Variants in SLC19A1 observed in about 807,000 individuals in gnomAD.
SLC19A1 encodes reduced folate transporter.
Under a neutral mutation model 35.3 loss-of-function variants are expected in SLC19A1, and 37 were observed. The ratio of observed to expected loss-of-function variants is 1.05; its 90% CI spans 0.81 to 1.38. The LOEUF (loss-of-function observed/expected upper bound fraction) is 1.38. Ranked by LOEUF, SLC19A1 falls within the 40% of genes most tolerant of loss-of-function variation. The pLI is 0.00. For synonymous variants in SLC19A1, 460 were observed against 398.5 expected (o/e 1.15, Z -1.84); for missense variants, 831 against 826.9 (o/e 1.00, Z -0.06).
In SLC19A1 at chr21:45,514,175, C is replaced by T. The variant is rs2146175128; in HGVS notation, c.*1483G>A. ...GGCGGTGTGGGCCTCCCCAGTGACGCTCTAGCCCATGGCACAGGCCCAGCC... is the reference window on the plus strand; with the variant it reads ...GGCGGTGTGGGCCTCCCCAGTGACGTTCTAGCCCATGGCACAGGCCCAGCC... On this transcript the variant is annotated 3_prime_UTR_variant, in exon 6 of 6. Coordinates refer to ENST00000311124, the MANE Select transcript of SLC19A1 (RefSeq NM_194255.4). The T allele has an allele frequency of 6.6e-6, 1 of 152,376 alleles. No individual in the cohort carries two copies. The highest frequency in any genetic ancestry group is 2.1e-4 in the South Asian group (1 of 4,838). The allele number at this position is 152,376 out of a possible 1,614,324, so 9.4% of individuals were successfully genotyped here. A position where few individuals can be genotyped will look rare whatever the true frequency, so the allele number is the denominator to read the frequency against.
rs1555889483 is a variant in SLC19A1, at chr21:45,562,144, A to AC, written c.-50+597_-50+598insG. On this transcript the variant is annotated intron_variant, in intron 1 of 5. Transcript: ENST00000650808. Reference sequence around the variant, plus strand: ...GACTCTGTCTCAAAAAAAAAAAAAAAAAAAGACAAATCCAGAAATGCACAC... The same window carrying AC: ...GACTCTGTCTCAAAAAAAAAAAAAAACAAAAGACAAATCCAGAAATGCACAC... Among the ~76,000 whole-genome samples the AC allele has an allele frequency of 4.3e-3, 655 of 151,992 alleles. 9 individuals are homozygous for AC. Among genetic ancestry groups the AC allele is most frequent in the African/African-American group, 0.015 (620 of 41,430 alleles).
intron 3 of SLC19A1, chr21:45,503,961 G>A (rs576905197): frequency 1.9e-6 from 3 of 1,610,276 alleles, no homozygotes; most frequent in Non-Finnish European, 2.5e-6. Context: ...AGGGAACCCG[G>A]CGCTGTCAGA....
rs751033884 is a variant in SLC19A1 at position 45,533,631 on chromosome 21, C to T, written c.190-1483G>A. On this transcript the variant is annotated intron_variant, in intron 2 of 5. Transcript: ENST00000311124. The surrounding 1 kb of genome is among the most constrained non-coding windows in gnomAD (Gnocchi z 4.5). ...TTGGTACCAGATGAGCCAGCAGGGC[C>T]CTGCTGGACTCTGGGCCTCCAGCAG... Among the ~76,000 whole-genome samples, 4 of 151,726 alleles carry T rather than the reference C, an allele frequency of 2.6e-5. No homozygotes were observed. The highest frequency in any genetic ancestry group is 6.5e-5 in the Admixed American group (1 of 15,268).
In SLC19A1 at chr21:45,530,797, G is replaced by A. The variant is rs767015205; in HGVS notation, c.1124C>T (p.Ser375Phe). Residue 375 changes from serine (S) to phenylalanine (F), a missense_variant, in exon 4 of 6, where the codon TCC (serine) becomes TTC (phenylalanine). Coordinates refer to ENST00000311124, the MANE Select transcript of SLC19A1 (RefSeq NM_194255.4). The surrounding 1 kb of genome is among the most constrained non-coding windows in gnomAD (Gnocchi z 5.3). ...GGCGATGGGCACGAGGAACTGGTAG[G>A]AGCCGCGGAACAGCACGAAGGCCGC... ...CYAAFVLFRG[S>F]YQFLVPIATF... is the part of the protein sequence containing the mutation. 12 of 1,565,160 alleles carry A rather than the reference G, an allele frequency of 7.7e-6. No homozygotes were observed. In the Admixed American group the frequency reaches 1.7e-4, roughly 22 times the overall value.
rs538659716 is a variant in SLC19A1 at position 45,505,659 on chromosome 21, C to T, written c.498-7047G>A. Among the ~76,000 whole-genome samples the T allele has an allele frequency of 4.1e-4, 63 of 152,282 alleles. No individual in the cohort carries two copies. The East Asian group carries it at 0.012, about 29-fold the overall frequency. ...AGGGCCTGTACATTGTCCACGGAGGCGCAGGAGCTGGCGGCAGGCAGGGGT... is the reference window on the plus strand; with the variant it reads ...AGGGCCTGTACATTGTCCACGGAGGTGCAGGAGCTGGCGGCAGGCAGGGGT... On this transcript the variant is annotated intron_variant, in intron 3 of 4. Transcript: ENST00000417954.
At chr21:45,516,277 C>G in intron 5 of SLC19A1, 137 bp from the exon 6 acceptor site, 1 of 675,136 alleles carries the variant, frequency 1.5e-6, no homozygotes, top group Non-Finnish European at 2.5e-6. Context: ...CGGTCAGAGG[C>G]CAGCCCCAGG....
chr21:45,517,094 G>A lies in SLC19A1; in HGVS notation c.1294-954C>T, dbSNP rs541653148. 5.3e-5 allele frequency among the ~76,000 whole-genome samples: 8 copies of A among 152,240 alleles called. No homozygotes were observed. In the South Asian group the frequency reaches 1.5e-3, roughly 28 times the overall value. On this transcript the variant is annotated intron_variant, in intron 5 of 5. Transcript: ENST00000311124. This position sits in a 1 kb window ranked among gnomAD's most constrained non-coding sequence, Gnocchi z 4.4. The stretch of plus-strand genomic sequence containing the variant: ...AGGGCAGACTGGCCGGGCCCTCGGG[G>A]TCTGGGGAGCTGTGCCACGCAAGGA...
chr21:45,508,227 T>TGG (rs2037347282), downstream of SLC19A1, among the ~76,000 whole-genome samples: 1 of 130,956 alleles, frequency 7.6e-6, no homozygotes, highest in Non-Finnish European at 1.6e-5. Flanking sequence ...GGTGGGTGGA[T>TGG]AGTGGGTAAG....
At chr21:45,542,509 A>T (rs1184841051), upstream of SLC19A1, 2 of 150,602 alleles carry the variant, frequency 1.3e-5, no homozygotes. Flanking sequence ...ACGCGTCCTG[A>T]GGGCGGGGCC....
chr21:45,549,173 C>T (rs1470091640), upstream of SLC19A1, among the ~76,000 whole-genome samples: 2 of 152,332 alleles, frequency 1.3e-5, no homozygotes, highest in East Asian at 1.9e-4. Context: ...GCAGTACATC[C>T]ACATAACAGG....
chr21:45,537,588 G>A (rs1246326994), intron 2 of SLC19A1, among the ~76,000 whole-genome samples, 183 bp downstream of exon 2: 2 of 74,020 alleles, frequency 2.7e-5, no homozygotes, highest in Non-Finnish European at 6.2e-5. Flanking sequence ...TCCAGAAGCT[G>A]CTCCCCGCCC....
At chr21:45,509,592 C>G (rs758465639), downstream of SLC19A1, 2 of 1,494,900 alleles carry the variant, frequency 1.3e-6, no homozygotes, top group East Asian at 2.5e-5. Context: ...ACCGCGACTT[C>G]CAGCCGGTGG....
chr21:45,504,411 C>G lies in SLC19A1; in HGVS notation c.498-5799G>C, dbSNP rs751283786. On this transcript the variant is annotated intron_variant, in intron 3 of 4. Transcript: ENST00000417954. ...CTCCCGTGTAACAAGTGTTTCCGTC[C>G]ACAGGGGGAGAAGGGAGACCGAGGT... 1.2e-6 allele frequency: 2 copies of G among 1,610,946 alleles called. No individual in the cohort carries two copies. The highest frequency in any genetic ancestry group is 3.3e-5 in the Admixed American group (2 of 59,808).
rs372982447 is a variant in SLC19A1, at chr21:45,504,455, G to A, written c.498-5843C>T. The A allele has an allele frequency of 5.5e-5, 88 of 1,611,288 alleles. No individual in the cohort carries two copies. The highest frequency in any genetic ancestry group is 2.4e-4 in the South Asian group (22 of 90,996). ...CCGAGGTGATGCAGGACAGAAAGGC[G>A]AAAGGGGGGAGCCCGGGGGCGGCGG... On this transcript the variant is annotated intron_variant, in intron 3 of 4. Coordinates refer to the SLC19A1 transcript ENST00000417954.
At position 45,515,065 on chromosome 21, in the gene SLC19A1, C is replaced by A; in HGVS notation, c.*593G>T. 1 of 1,545,332 alleles carries A rather than the reference C, an allele frequency of 6.5e-7. No homozygotes were observed. On this transcript the variant is annotated 3_prime_UTR_variant, in exon 6 of 6. Transcript: ENST00000311124. Reference sequence around the variant, plus strand: ...AGGAACCAGCTCCGAGGACCAGAGCCGCTGCTCCCCTCTGATGACAATGTG... The same window carrying A: ...AGGAACCAGCTCCGAGGACCAGAGCAGCTGCTCCCCTCTGATGACAATGTG...
chr21:45,505,564 G>A (rs2079487872), intron 3 of SLC19A1: 7 of 692,944 alleles, frequency 1.0e-5, no homozygotes, highest in Non-Finnish European at 1.8e-5. Context: ...GGTTTCCAGG[G>A]TGGAAGCGGG....
In SLC19A1 at chr21:45,517,744, C is replaced by G. The variant is rs1264304161; in HGVS notation, c.1294-1604G>C. On this transcript the variant is annotated intron_variant, in intron 5 of 5. Transcript: ENST00000311124. This position sits in a 1 kb window ranked among gnomAD's most constrained non-coding sequence, Gnocchi z 4.4. ...CAGCAATAATGAGAATGTCCCAACCCCAGGGGCATCAAGGGGGCCACGAGG... is the reference window on the plus strand; with the variant it reads ...CAGCAATAATGAGAATGTCCCAACCGCAGGGGCATCAAGGGGGCCACGAGG... Among the ~76,000 whole-genome samples, 1 of 152,126 alleles carries G rather than the reference C, an allele frequency of 6.6e-6. No individual in the cohort carries two copies. The highest frequency in any genetic ancestry group is 1.5e-5 in the Non-Finnish European group (1 of 68,026).
In SLC19A1 at chr21:45,507,335, G is replaced by C. The variant is rs1020804722; in HGVS notation, c.498-8723C>G. The C allele has an allele frequency of 6.0e-5, 36 of 601,328 alleles. 1 individual carries two copies. In the Middle Eastern group the frequency reaches 1.3e-3, roughly 22 times the overall value. The allele number at this position is 601,328 out of a possible 1,614,324, so 37.2% of individuals were successfully genotyped here. On this transcript the variant is annotated intron_variant, in intron 3 of 4. Transcript: ENST00000417954. The stretch of plus-strand genomic sequence containing the variant: ...ACCCTCCTGTGGGCTGGCAGGGCCG[G>C]GTGCTGGGCAGGGAGGGCACCCTGC...
At chr21:45,553,660 CTTCCCAGTCCCCCACACCCCA>C (rs1289993807) in intron 1 of SLC19A1, among the ~76,000 whole-genome samples, 3 of 37,406 alleles carry the variant, frequency 8.0e-5, no homozygotes, top group Non-Finnish European at 9.9e-5. Context: ...CCCGCGCCCC[CTTCCCAGTCCCCCACACCCCA>C]TCCCAGTCCC....
Sources: gnomAD v4.1 joint callset for allele counts (sites outside exome capture counted in the v4.1 genomes callset) on GRCh38, gnomAD v4.1.1 for gene constraint, Gnocchi (gnomAD v3.1) non-coding constraint, MANE v1.5 for transcripts, NCBI Gene and HGNC (gene_info 2026-07-23, HGNC 2026-07-21) for gene names.